Variants in BACH2 observed in about 807,000 individuals in gnomAD.
BACH2 encodes the protein BACH transcriptional regulator 2.
Under a neutral mutation model 61.8 loss-of-function variants are expected in BACH2, and 5 were observed. The observed-to-expected ratio is 0.08, with a 90% CI of 0.04 to 0.17. BACH2 has a LOEUF of 0.17. BACH2 is among the 10% of genes least tolerant of loss of function. The probability of loss-of-function intolerance (pLI) is 1.00; values close to 1 mark genes in which losing one functional copy is unlikely to be tolerated. For synonymous variants in BACH2, 446 were observed against 440.1 expected (o/e 1.01, Z -0.17); for missense variants, 824 against 1,091.1 (o/e 0.76, Z 3.45).
chr6:90,125,508 G>A (rs1394207586), intron 4 of BACH2, among the ~76,000 whole-genome samples: 1 of 152,168 alleles, frequency 6.6e-6, no homozygotes, highest in Non-Finnish European at 1.5e-5. Flanking sequence ...GAAACAGCAC[G>A]TTTGCCTCTG....
chr6:89,939,292 T>C (rs190358236), intron 7 of BACH2, among the ~76,000 whole-genome samples: 1 of 152,314 alleles, frequency 6.6e-6, no homozygotes. Flanking sequence ...AAAGATTCTC[T>C]AGCCCCAGTC....
rs148069254 is a variant in BACH2 at position 90,244,696 on chromosome 6, G to A, written c.-275+7817C>T. ...TCACACTTGCTGCCTGTGCTATGGG[G>A]ACCACTGGCTGGTATCATATCTGAC... On this transcript the variant is annotated intron_variant, in intron 3 of 8. Coordinates refer to ENST00000257749, the MANE Select transcript of BACH2 (RefSeq NM_021813.4). Among the ~76,000 whole-genome samples, 22 of 152,250 alleles carry A rather than the reference G, an allele frequency of 1.4e-4. No homozygotes were observed. The East Asian group carries it at 4.1e-3, about 28-fold the overall frequency.
intron 5 of BACH2, among the ~76,000 whole-genome samples, chr6:90,048,873 A>G (rs932108502): frequency 6.6e-6 from 1 of 152,086 alleles, no homozygotes; most frequent in Non-Finnish European, 1.5e-5. Flanking sequence ...TGGCTCTAAC[A>G]CTCACTAGCT....
intron 4 of BACH2, among the ~76,000 whole-genome samples, chr6:90,101,331 A>G (rs558387249): frequency 1.4e-4 from 22 of 152,206 alleles, no homozygotes; most frequent in Non-Finnish European, 2.8e-4. Context: ...GGTCACAAAA[A>G]TGTATCCCTA....
chr6:90,047,141 C>T (rs1779821081), intron 5 of BACH2, among the ~76,000 whole-genome samples: 1 of 152,156 alleles, frequency 6.6e-6, no homozygotes, highest in Non-Finnish European at 1.5e-5. Context: ...AGGCTGGTCT[C>T]GAACTCCTGA....
Position 90,164,896 on chromosome 6 carries a change from T to G in BACH2, c.-162+41673A>C, listed in dbSNP as rs1012378127. 3.3e-4 allele frequency among the ~76,000 whole-genome samples: 51 copies of G among 152,258 alleles called. No individual in the cohort carries two copies. In the East Asian group the frequency reaches 5.8e-3, roughly 17 times the overall value. ...TGCTAAAAACTCTCAATAAATTAGG[T>G]ATTGATGGGATGTATCTCAAAATAA... is the stretch of plus-strand genomic sequence containing the variant. On this transcript the variant is annotated intron_variant, in intron 4 of 8. Coordinates refer to ENST00000257749, the MANE Select transcript of BACH2 (RefSeq NM_021813.4).
At chr6:90,189,519 A>G (rs1388583130) in intron 4 of BACH2, among the ~76,000 whole-genome samples, 2 of 151,104 alleles carry the variant, frequency 1.3e-5, no homozygotes, top group Non-Finnish European at 2.9e-5. Context: ...GAGGCAGGAG[A>G]ATGGCGTGAA....
At chr6:90,167,634 T>C (rs1004875929) in intron 4 of BACH2, among the ~76,000 whole-genome samples, 1 of 152,210 alleles carries the variant, frequency 6.6e-6, no homozygotes, top group East Asian at 1.9e-4. Context: ...GCTGGGGTTA[T>C]AGGCATGAGC....
rs142117733 is a variant in BACH2, at chr6:90,017,544, A to T, written c.-12-8688T>A. 2.6e-4 allele frequency among the ~76,000 whole-genome samples: 40 copies of T among 152,210 alleles called. No homozygotes were observed. The East Asian group carries it at 7.5e-3, about 29-fold the overall frequency. ...GCCACATTGGTTATTTTCTATTGCT[A>T]ACCCTTCGAGTTCACTAATCTCTTC... On this transcript the variant is annotated intron_variant, in intron 5 of 8. Coordinates refer to ENST00000257749, the MANE Select transcript of BACH2 (RefSeq NM_021813.4).
intron 5 of BACH2, among the ~76,000 whole-genome samples, chr6:90,009,890 C>G (rs1201778178): frequency 6.6e-6 from 1 of 152,182 alleles, no homozygotes; most frequent in East Asian, 1.9e-4. Flanking sequence ...GTTTTGAACT[C>G]CTGACCTCAG....
intron 6 of BACH2, among the ~76,000 whole-genome samples, chr6:89,991,167 G>A (rs1446052838): frequency 6.6e-6 from 1 of 152,186 alleles, no homozygotes; most frequent in African/African-American, 2.4e-5. Flanking sequence ...TATAACCCTA[G>A]CACTTAAAAC....
intron 4 of BACH2, among the ~76,000 whole-genome samples, chr6:90,148,470 T>G (rs1002130946): frequency 2.0e-5 from 3 of 152,336 alleles, no homozygotes; most frequent in Admixed American, 6.5e-5. Flanking sequence ...GCTGCACTTT[T>G]CATAATGCTC....
chr6:90,013,651 T>C (rs557986978), intron 5 of BACH2, among the ~76,000 whole-genome samples: 18,453 of 151,608 alleles, frequency 0.12, 1,144 homozygotes, highest in Middle Eastern at 0.23. Context: ...GGACTACAGG[T>C]GCCCGCCACC....
intron 4 of BACH2, among the ~76,000 whole-genome samples, chr6:90,152,524 T>A (rs1397815038): frequency 6.6e-6 from 1 of 152,190 alleles, no homozygotes; most frequent in African/African-American, 2.4e-5. Context: ...AGGCACAGGG[T>A]TATCTTGTTA....
chr6:90,144,353 AG>A (rs1363504478), intron 4 of BACH2, among the ~76,000 whole-genome samples: 1 of 150,658 alleles, frequency 6.6e-6, no homozygotes, highest in Non-Finnish European at 1.5e-5. Context: ...AGAGGGAAGG[AG>A]GGAGGGAAAA....
At chr6:90,022,396 C>A (rs1778424856) in intron 5 of BACH2, among the ~76,000 whole-genome samples, 1 of 152,130 alleles carries the variant, frequency 6.6e-6, no homozygotes, top group African/African-American at 2.4e-5. Flanking sequence ...CCAGCCTGGT[C>A]AACATGGTGA....
At chr6:90,247,206 G>A (rs910487668) in intron 3 of BACH2, among the ~76,000 whole-genome samples, 15 of 151,538 alleles carry the variant, frequency 9.9e-5, no homozygotes, top group African/African-American at 3.4e-4. Flanking sequence ...CATTTGACAT[G>A]TAATATATTT....
chr6:90,003,368 C>G (rs1033924763), intron 6 of BACH2, among the ~76,000 whole-genome samples: 1 of 152,230 alleles, frequency 6.6e-6, no homozygotes, highest in Non-Finnish European at 1.5e-5. Flanking sequence ...TGCTCCAGGT[C>G]TCTCTTCAAA....
chr6:90,086,983 G>A (rs1781959750), intron 5 of BACH2, among the ~76,000 whole-genome samples: 1 of 152,158 alleles, frequency 6.6e-6, no homozygotes, highest in Non-Finnish European at 1.5e-5. Flanking sequence ...CCTTTGGGCA[G>A]CCCCCAGAAG....
Sources: allele counts gnomAD v4.1 joint callset (sites outside exome capture counted in the v4.1 genomes callset), GRCh38; gene constraint gnomAD v4.1.1; transcripts MANE v1.5; gene names NCBI Gene and HGNC (gene_info 2026-07-23, HGNC 2026-07-21).